The following LRIG2 variants were observed in gnomAD, a reference collection of about 807,000 sequenced individuals.
The protein encoded by LRIG2 is leucine-rich repeats and immunoglobulin-like domains protein 2.
LRIG2 carries 93 observed loss-of-function variants against 107.8 expected under a neutral mutation model. That is an observed-to-expected ratio of 0.86 (90% CI 0.73 to 1.03). The LOEUF (loss-of-function observed/expected upper bound fraction) is 1.03, where lower values mean the gene tolerates loss of function less well. Ranked by LOEUF, LRIG2 falls within the 50% of genes least tolerant of loss-of-function variation. The pLI is 0.00. For synonymous variants in LRIG2, 471 were observed against 470.6 expected, an observed-to-expected ratio of 1.00 and a Z score of -0.01; for missense variants, 1,226 against 1,296.0, an observed-to-expected ratio of 0.95 and a Z score of 0.83.
At position 113,132,086 on chromosome 1, in the gene LRIG2, C is replaced by T. The variant is rs1655718412; in HGVS notation, c.*7985C>T. The T allele has an allele frequency of 6.6e-6, 1 of 151,550 alleles. No homozygotes were observed. Among genetic ancestry groups the T allele is most frequent in the Admixed American group, 6.6e-5 (1 of 15,122 alleles). The allele number at this position is 151,550 out of a possible 1,614,324, so 9.4% of individuals were successfully genotyped here. A position where few individuals can be genotyped will look rare whatever the true frequency, so the allele number is the denominator to read the frequency against. On this transcript the variant is annotated 3_prime_UTR_variant, in exon 18 of 18. Coordinates refer to ENST00000361127, the MANE Select transcript of LRIG2 (RefSeq NM_014813.3). ...ATTGGATAATACTAGTCTGAGCAGC[C>T]CTAATACTAGATGTACCTAAACAGA... is the stretch of plus-strand genomic sequence containing the variant.
intron 14 of LRIG2, among the ~76,000 whole-genome samples, chr1:113,113,399 T>C (rs2101058937): frequency 6.6e-6 from 1 of 151,650 alleles, no homozygotes; most frequent in South Asian, 2.1e-4. Context: ...CTTTTCTTCG[T>C]GGAACTCAAA....
In LRIG2 at chr1:113,112,500, C is replaced by T. The variant is rs557218598; in HGVS notation, c.1820C>T (p.Thr607Met). 45 of 1,598,796 alleles carry T rather than the reference C, an allele frequency of 2.8e-5. No homozygotes were observed. Among genetic ancestry groups the T allele is most frequent in the Admixed American group, 6.8e-5 (4 of 58,774 alleles). The change falls in exon 14 of 18, where the codon ACG becomes ATG. Residue 607 changes from threonine to methionine, a missense_variant. Around this residue, in one of 3 missense-constraint regions of LRIG2, gnomAD observed 642 missense variants for 712.2 expected, o/e 0.90. Transcript: ENST00000361127. ...ACAGAGATGCCATCTTTTCTGAAAA[C>T]GCCAATGGATCTGACTATTCGCACT... ...TVNEMPSFLK[T>M]PMDLTIRTGA...
At chr1:113,086,284 C>T (rs1215248013) in intron 1 of LRIG2, among the ~76,000 whole-genome samples, 2 of 151,992 alleles carry the variant, frequency 1.3e-5, no homozygotes, top group Non-Finnish European at 2.9e-5. Flanking sequence ...TGATTACAGG[C>T]ATGAGCCACT....
At chr1:113,081,989 G>A (rs1653310332) in intron 1 of LRIG2, among the ~76,000 whole-genome samples, 1 of 152,180 alleles carries the variant, frequency 6.6e-6, no homozygotes, top group Non-Finnish European at 1.5e-5. Flanking sequence ...AAAAAATTAA[G>A]TAAATAAAAG....
chr1:113,112,574 C>T lies in LRIG2; in HGVS notation c.1894C>T (p.Gln632Ter). Residue 632 changes from glutamine (Q) to a stop codon, truncating the protein, a stop_gained, in exon 14 of 18, where the codon CAG becomes TAG. Coordinates refer to ENST00000361127, the MANE Select transcript of LRIG2 (RefSeq NM_014813.3). LOFTEE classifies it high-confidence loss of function. ...TGCTGCAGAGGGACACCCTGCACCTCAGATTTCCTGGCAGAAAGATGGTGG... is the reference window on the plus strand; with the variant it reads ...TGCTGCAGAGGGACACCCTGCACCTTAGATTTCCTGGCAGAAAGATGGTGG... Reference protein sequence around the residue: ...ECAAEGHPAPQISWQKDGGTD... With the variant: ...ECAAEGHPAP 1 of 1,614,192 alleles carries T rather than the reference C, an allele frequency of 6.2e-7. No homozygotes were observed. Among genetic ancestry groups the T allele is most frequent in the Non-Finnish European group, 8.5e-7 (1 of 1,180,040 alleles).
chr1:113,111,862 C>T (rs903923910), intron 13 of LRIG2, among the ~76,000 whole-genome samples: 3 of 152,100 alleles, frequency 2.0e-5, no homozygotes, highest in African/African-American at 7.2e-5. Flanking sequence ...GGCTGGAGTG[C>T]AGTGGTGTGA....
intron 16 of LRIG2, among the ~76,000 whole-genome samples, chr1:113,118,736 C>T (rs1728220): frequency 0.75 from 113,995 of 151,472 alleles, 44,546 homozygotes; most frequent in East Asian, 0.94. Flanking sequence ...GTGATCTCGG[C>T]TCACTGCAAG....
intron 15 of LRIG2, 78 bp downstream of exon 15, chr1:113,114,954 A>C: frequency 8.1e-7 from 1 of 1,240,298 alleles, no homozygotes; most frequent in Admixed American, 2.2e-5. Flanking sequence ...ACAATATAAA[A>C]AACTGAGAGC....
chr1:113,078,731 C>A (rs887078947), intron 1 of LRIG2, among the ~76,000 whole-genome samples: 7 of 151,378 alleles, frequency 4.6e-5, no homozygotes, highest in Non-Finnish European at 1.0e-4. Context: ...ACCTCCACTT[C>A]CCAGGTTCAA....
At chr1:113,092,263 A>C (rs973348717) in intron 2 of LRIG2, among the ~76,000 whole-genome samples, 1 of 152,300 alleles carries the variant, frequency 6.6e-6, no homozygotes, top group Non-Finnish European at 1.5e-5. Context: ...TCTGTGTTCT[A>C]GATTGTTGAG....
intron 14 of LRIG2, 33 bp downstream of exon 14, chr1:113,112,793 G>C: frequency 6.4e-7 from 1 of 1,558,390 alleles, no homozygotes; most frequent in East Asian, 2.3e-5. Context: ...CCCTGCTTTT[G>C]TTGGAGTCTT....
intron 17 of LRIG2, among the ~76,000 whole-genome samples, chr1:113,122,158 C>G (rs974250313): frequency 6.8e-6 from 1 of 146,196 alleles, no homozygotes; most frequent in African/African-American, 2.5e-5. Context: ...TCTCGGCTCA[C>G]TGCAACCTCC....
At chr1:113,123,727 T>TGTGTGTGTG in intron 17 of LRIG2, 148 bp from the exon 18 acceptor site, 1 of 596,548 alleles carries the variant, frequency 1.7e-6, no homozygotes, top group Admixed American at 3.0e-5. Context: ...GTGGTGGTTT[T>TGTGTGTGTG]TGTGTGTGTG....
At chr1:113,096,054 G>C (rs757494263) in intron 7 of LRIG2, 37 bp downstream of exon 7, 9 of 1,612,476 alleles carry the variant, frequency 5.6e-6, no homozygotes, top group Non-Finnish European at 7.6e-6. Context: ...AGGCAGTTAA[G>C]ACTAGAGCAG....
intron 2 of LRIG2, among the ~76,000 whole-genome samples, chr1:113,091,592 G>A (rs977454222): frequency 4.6e-5 from 7 of 152,214 alleles, no homozygotes; most frequent in Non-Finnish European, 2.9e-5. Context: ...CAAGTTGCAG[G>A]CTGTGGGGGA....
intron 1 of LRIG2, among the ~76,000 whole-genome samples, chr1:113,085,277 G>C (rs907169450): frequency 2.3e-5 from 3 of 130,838 alleles, no homozygotes; most frequent in Non-Finnish European, 5.0e-5. Flanking sequence ...CTAAATTCTT[G>C]TTTTTTTGTT....
intron 6 of LRIG2, 111 bp downstream of exon 6, chr1:113,094,866 C>G: frequency 2.0e-6 from 2 of 1,012,566 alleles, no homozygotes; most frequent in Non-Finnish European, 2.8e-6. Flanking sequence ...TCATTCATTC[C>G]CTGGTCACTG....
intron 16 of LRIG2, among the ~76,000 whole-genome samples, chr1:113,117,677 T>G (rs1410690384): frequency 6.6e-6 from 1 of 152,006 alleles, no homozygotes; most frequent in Non-Finnish European, 1.5e-5. Flanking sequence ...AGAGACGGGT[T>G]TCACCATGTT....
rs1655669418 is a variant in LRIG2 at position 113,130,456 on chromosome 1, A to C, written c.*6355A>C. On this transcript the variant is annotated 3_prime_UTR_variant, in exon 18 of 18. Coordinates refer to ENST00000361127, the MANE Select transcript of LRIG2 (RefSeq NM_014813.3). ...ATAAGAATTCTATTCCAGAAGACAG[A>C]GTTATACACAGGGAGGTGTATTATA... is the stretch of plus-strand genomic sequence containing the variant. The C allele has an allele frequency of 6.6e-6, 1 of 152,236 alleles. No homozygotes were observed. Among genetic ancestry groups the C allele is most frequent in the East Asian group, 1.9e-4 (1 of 5,206 alleles). The allele number at this position is 152,236 out of a possible 1,614,324, so 9.4% of individuals were successfully genotyped here. A position where few individuals can be genotyped will look rare whatever the true frequency, so the allele number is the denominator to read the frequency against.
Sources: gnomAD v4.1 joint callset for allele counts (sites outside exome capture counted in the v4.1 genomes callset) on GRCh38, gnomAD v4.1.1 for gene constraint, gnomAD v4.1.1 regional missense constraint, MANE v1.5 for transcripts, NCBI Gene and HGNC (gene_info 2026-07-23, HGNC 2026-07-21) for gene names.